EPB41L2: variants seen among roughly 807,000 people sequenced by gnomAD.
EPB41L2 encodes the protein erythrocyte membrane protein band 4.1 like 2, also known as band 4.1-like protein 2.
In EPB41L2, 43 loss-of-function variants were observed where a neutral mutation model predicts 113.0. The ratio of observed to expected loss-of-function variants is 0.38; its 90% confidence interval spans 0.30 to 0.49. EPB41L2 has a LOEUF of 0.49. Among genes scored for constraint, EPB41L2 ranks in the 20% least tolerant of loss-of-function variants. The pLI is 0.95. For synonymous variants in EPB41L2, 442 were observed against 436.7 expected, an observed-to-expected ratio of 1.01 and a Z score of -0.15; for missense variants, 1,147 against 1,223.4, an observed-to-expected ratio of 0.94 and a Z score of 0.93.
chr6:130,927,986 C>T (rs551697442), intron 3 of EPB41L2, among the ~76,000 whole-genome samples: 6 of 151,852 alleles, frequency 4.0e-5, no homozygotes, highest in Non-Finnish European at 8.8e-5. Flanking sequence ...TCAGCTACTC[C>T]GGAGGCTGGG....
In EPB41L2 at chr6:131,007,239, C is replaced by T. The variant is rs573533357; in HGVS notation, c.-14-50740G>A. On this transcript the variant is annotated intron_variant, in intron 1 of 19. Coordinates refer to ENST00000337057, the MANE Select transcript of EPB41L2 (RefSeq NM_001431.4). Reference sequence around the variant, plus strand: ...GATTCTGTTCTCGTGACAGTGAGTTCTCATAAGATATTGTAGTTTTATAAG... The same window carrying T: ...GATTCTGTTCTCGTGACAGTGAGTTTTCATAAGATATTGTAGTTTTATAAG... Among the ~76,000 whole-genome samples, 11 of 152,226 alleles carry T rather than the reference C, an allele frequency of 7.2e-5. No individual in the cohort carries two copies. In the South Asian group the frequency reaches 2.3e-3, roughly 32 times the overall value.
At chr6:130,886,400 A>G (rs1322414957) in intron 11 of EPB41L2, among the ~76,000 whole-genome samples, 2 of 152,102 alleles carry the variant, frequency 1.3e-5, no homozygotes, top group African/African-American at 4.8e-5. Flanking sequence ...GAACGTGAAC[A>G]TCTTCCAAGA....
chr6:131,014,104 A>G (rs200754340), intron 1 of EPB41L2: 1 of 151,236 alleles, frequency 6.6e-6, no homozygotes, highest in Admixed American at 6.6e-5. Context: ...CTCACTCACC[A>G]TATCTTTCAT....
At chr6:130,970,956 G>A (rs1430421849) in intron 1 of EPB41L2, among the ~76,000 whole-genome samples, 1 of 152,104 alleles carries the variant, frequency 6.6e-6, no homozygotes, top group Non-Finnish European at 1.5e-5. Context: ...GCACACTCAT[G>A]GCTCACTGCA....
At chr6:130,951,528 T>A (rs182573238) in intron 3 of EPB41L2, among the ~76,000 whole-genome samples, 59 of 151,608 alleles carry the variant, frequency 3.9e-4, no homozygotes, top group African/African-American at 6.5e-4. Context: ...AGTTTCATCA[T>A]GTTGGTCAGG....
chr6:130,954,040 C>CTTTCTTTTCTTTTTTTTTTTTTTTT (rs1816373036), intron 3 of EPB41L2, among the ~76,000 whole-genome samples: 2 of 58,850 alleles, frequency 3.4e-5, no homozygotes, highest in Non-Finnish European at 6.6e-5. Context: ...CCTTTTCTTT[C>CTTTCTTTTCTTTTTTTTTTTTTTTT]TTTTTTTTTT....
At chr6:131,046,939 G>A (rs1795578719) in intron 1 of EPB41L2, among the ~76,000 whole-genome samples, 3 of 152,098 alleles carry the variant, frequency 2.0e-5, no homozygotes, top group Admixed American at 1.3e-4. Flanking sequence ...AATGCAAATA[G>A]GATCGGGGTT....
intron 4 of EPB41L2, among the ~76,000 whole-genome samples, chr6:130,915,064 G>C (rs140052746): frequency 0.024 from 3,592 of 152,276 alleles, 130 homozygotes; most frequent in African/African-American, 0.082. Flanking sequence ...AGCACTTTGG[G>C]AGGCCGAGGC....
chr6:130,876,691 C>T lies in EPB41L2; in HGVS notation c.2043+1413G>A, dbSNP rs764577421. ...GTGAACACCTTGTCCGTCTCCTGAGCTTTTTCTTCAACTGTCCATATTGTC... is the reference window on the plus strand; with the variant it reads ...GTGAACACCTTGTCCGTCTCCTGAGTTTTTTCTTCAACTGTCCATATTGTC... On this transcript the variant is annotated intron_variant, in intron 14 of 19. Coordinates refer to ENST00000337057, the MANE Select transcript of EPB41L2 (RefSeq NM_001431.4). 3.8e-6 allele frequency: 5 copies of T among 1,304,000 alleles called. No homozygotes were observed. In the South Asian group the frequency reaches 6.2e-5, roughly 16 times the overall value. 80.8% of individuals were successfully genotyped at this position (1,304,000 alleles called of 1,614,324 possible).
intron 1 of EPB41L2, among the ~76,000 whole-genome samples, chr6:130,977,728 C>G (rs1562645859): frequency 2.0e-5 from 3 of 152,188 alleles, no homozygotes; most frequent in Non-Finnish European, 2.9e-5. Context: ...CGTCCTCAAA[C>G]AGCTTGAGAT....
intron 1 of EPB41L2, among the ~76,000 whole-genome samples, chr6:131,048,431 A>C (rs1349690669): frequency 1.3e-5 from 2 of 152,210 alleles, no homozygotes; most frequent in East Asian, 1.9e-4. Flanking sequence ...CAATATTCAG[A>C]TATTTATTCC....
intron 14 of EPB41L2, chr6:130,870,380 G>A (rs1396933669): frequency 6.4e-7 from 1 of 1,550,536 alleles, no homozygotes; most frequent in African/African-American, 1.4e-5. Flanking sequence ...GGGAGCACGT[G>A]TCTGCAGAAC....
intron 1 of EPB41L2, among the ~76,000 whole-genome samples, chr6:130,996,461 T>C (rs1260037767): frequency 6.6e-6 from 1 of 152,200 alleles, no homozygotes; most frequent in African/African-American, 2.4e-5. Flanking sequence ...AGTTATAATA[T>C]AGACTTGTTA....
At chr6:130,889,617 G>A (rs751537314) in intron 11 of EPB41L2, among the ~76,000 whole-genome samples, 6 of 152,134 alleles carry the variant, frequency 3.9e-5, no homozygotes, top group Non-Finnish European at 8.8e-5. Context: ...ATGAAAATTT[G>A]CTGATGCAGG....
At chr6:130,886,637 TTG>T (rs1258174673) in intron 11 of EPB41L2, among the ~76,000 whole-genome samples, 2 of 107,532 alleles carry the variant, frequency 1.9e-5, no homozygotes, top group Non-Finnish European at 4.6e-5. Context: ...GTTGTTGTTG[TTG>T]TTGTTTGTTT....
At chr6:130,896,495 T>C (rs1209570644) in intron 8 of EPB41L2, among the ~76,000 whole-genome samples, 1 of 152,068 alleles carries the variant, frequency 6.6e-6, no homozygotes, top group South Asian at 2.1e-4. Context: ...TTACCACAAG[T>C]GGGGAGGCAA....
chr6:130,929,372 C>T (rs542899773), intron 3 of EPB41L2, among the ~76,000 whole-genome samples: 5 of 152,060 alleles, frequency 3.3e-5, no homozygotes, highest in African/African-American at 4.8e-5. Context: ...CTTTTTACTT[C>T]GGATGTTTAT....
chr6:130,984,062 T>TA (rs770422180), intron 1 of EPB41L2, among the ~76,000 whole-genome samples: 1 of 152,270 alleles, frequency 6.6e-6, no homozygotes, highest in South Asian at 2.1e-4. Flanking sequence ...ACTCTTTTGT[T>TA]AAAAACTAAG....
intron 13 of EPB41L2, among the ~76,000 whole-genome samples, chr6:130,878,787 T>A (rs1318382575): frequency 6.6e-6 from 1 of 152,198 alleles, no homozygotes; most frequent in Non-Finnish European, 1.5e-5. Flanking sequence ...AAGCCAAGGT[T>A]TTTTGTTTGT....
Sources: gnomAD v4.1 joint callset for allele counts (sites outside exome capture counted in the v4.1 genomes callset) on GRCh38, gnomAD v4.1.1 for gene constraint, MANE v1.5 for transcripts, NCBI Gene and HGNC (gene_info 2026-07-23, HGNC 2026-07-21) for gene names.